AKAP1: variants seen among roughly 807,000 people sequenced by gnomAD.
The protein encoded by AKAP1 is A-kinase anchoring protein 1.
In AKAP1, 32 loss-of-function variants were observed where a neutral mutation model predicts 79.8. The ratio of observed to expected loss-of-function variants is 0.40; its 90% CI spans 0.30 to 0.54. The LOEUF is 0.54. Ranked by LOEUF, AKAP1 falls within the 20% of genes least tolerant of loss-of-function variation. The probability of loss-of-function intolerance (pLI) is 0.47; values close to 1 mark genes in which losing one functional copy is unlikely to be tolerated. For missense variants in AKAP1, 961 were observed against 1,138.9 expected, an observed-to-expected ratio of 0.84 and a Z score of 2.25; for synonymous variants, 416 against 466.7, an observed-to-expected ratio of 0.89 and a Z score of 1.40.
intron 10 of AKAP1, 32 bp from the exon 11 acceptor site, chr17:57,120,218 G>T: frequency 6.2e-7 from 1 of 1,603,310 alleles, no homozygotes; most frequent in South Asian, 1.1e-5. Flanking sequence ...GGATGCCATG[G>T]ACAAAAGCTT....
chr17:57,117,405 G>A (rs1331807434), intron 8 of AKAP1, among the ~76,000 whole-genome samples: 1 of 152,136 alleles, frequency 6.6e-6, no homozygotes. Context: ...CCAGAACATG[G>A]GAATGGTACC....
intron 2 of AKAP1, among the ~76,000 whole-genome samples, chr17:57,108,660 G>A (rs763537810): frequency 3.3e-5 from 5 of 152,186 alleles, no homozygotes; most frequent in Non-Finnish European, 7.3e-5. Context: ...CCAAGCACGA[G>A]GTTAGTGCCT....
At chr17:57,103,771 T>C (rs1298678212) in intron 1 of AKAP1, among the ~76,000 whole-genome samples, 1 of 152,210 alleles carries the variant, frequency 6.6e-6, no homozygotes, top group Non-Finnish European at 1.5e-5. Context: ...AAGCCCATCA[T>C]ATACCTTTAG....
At chr17:57,105,166 T>C (rs1914763209) in intron 1 of AKAP1, among the ~76,000 whole-genome samples, 2 of 151,934 alleles carry the variant, frequency 1.3e-5, no homozygotes, top group Non-Finnish European at 2.9e-5. Context: ...AAGGGAGGGA[T>C]TTGGGTTAAA....
At chr17:57,110,193 A>G in intron 3 of AKAP1, 35 bp downstream of exon 3, 2 of 1,610,126 alleles carry the variant, frequency 1.2e-6, no homozygotes, top group South Asian at 1.1e-5. Context: ...GTTCTGTGGT[A>G]AGCCCAAAGC....
At chr17:57,111,774 C>T in intron 3 of AKAP1, 24 bp from the exon 4 acceptor site, 1 of 1,613,412 alleles carries the variant, frequency 6.2e-7, no homozygotes, top group South Asian at 1.1e-5. Flanking sequence ...TTAACCCTCT[C>T]ATCTCTTTTT....
chr17:57,113,121 A>T (rs1277806779), intron 5 of AKAP1, among the ~76,000 whole-genome samples: 8 of 152,104 alleles, frequency 5.3e-5, no homozygotes, highest in African/African-American at 1.7e-4. Context: ...AATACTCCCC[A>T]CCAGGCCCGG....
intron 1 of AKAP1, chr17:57,092,896 A>G (rs539631363): frequency 6.6e-6 from 1 of 152,576 alleles, no homozygotes; most frequent in African/African-American, 2.4e-5. Context: ...GAGTCAGCCA[A>G]GCCTGTTCCT....
chr17:57,092,495 G>A (rs2144638426), intron 1 of AKAP1: 1 of 152,392 alleles, frequency 6.6e-6, no homozygotes, highest in South Asian at 2.1e-4. Context: ...GAGCCTGAGA[G>A]TAAGGGGGGC....
chr17:57,120,129 ACTGTTACTCTCATACATCTGTTGCCTG>A, intron 10 of AKAP1, 94 bp from the exon 11 acceptor site: 7 of 831,686 alleles, frequency 8.4e-6, no homozygotes, highest in Non-Finnish European at 1.4e-5. Context: ...TCTGGCCTAC[ACTGTTACTCTCATACATCTGTTGCCTG>A]CAGTGGCAAC....
chr17:57,103,973 G>A (rs1308126425), intron 1 of AKAP1, among the ~76,000 whole-genome samples: 2 of 151,968 alleles, frequency 1.3e-5, no homozygotes, highest in Non-Finnish European at 2.9e-5. Flanking sequence ...AGGTTTCTAG[G>A]TTCCTTCTGC....
intron 8 of AKAP1, among the ~76,000 whole-genome samples, chr17:57,117,599 G>A (rs906036795): frequency 4.6e-5 from 7 of 152,166 alleles, no homozygotes; most frequent in Admixed American, 1.3e-4. Flanking sequence ...ATTTGCATGC[G>A]TTAGAAATAC....
chr17:57,112,717 C>A, intron 5 of AKAP1, 99 bp downstream of exon 5: 1 of 1,468,472 alleles, frequency 6.8e-7, no homozygotes, highest in Non-Finnish European at 9.2e-7. Flanking sequence ...AGGCCAAGTG[C>A]ACATGAGTGC....
chr17:57,114,350 C>A, intron 5 of AKAP1, 109 bp from the exon 6 acceptor site: 1 of 1,373,988 alleles, frequency 7.3e-7, no homozygotes, highest in South Asian at 1.3e-5. Flanking sequence ...CTTGAGTTGC[C>A]CTTTTCAAAG....
intron 2 of AKAP1, among the ~76,000 whole-genome samples, chr17:57,109,204 T>A (rs929830444): frequency 7.9e-5 from 12 of 152,224 alleles, no homozygotes; most frequent in African/African-American, 2.9e-4. Context: ...CATCCATATT[T>A]AAGCCAGGGC....
In AKAP1 at chr17:57,107,054, G is replaced by A. The variant is rs762356350; in HGVS notation, c.1590G>A (p.Lys530=). 6.2e-7 allele frequency: 1 copy of A among 1,614,172 alleles called. No homozygotes were observed. The highest frequency in any genetic ancestry group is 1.1e-5 in the South Asian group (1 of 91,084). Residue 530 remains lysine, a synonymous_variant, in exon 2 of 11, where the codon AAG becomes AAA. Transcript: ENST00000337714. ...AGACCAGCTCGAGCCCCAGGGACAA[G>A]GCCATCACCCCGCCACTGCCAGAAA... The part of the protein sequence containing the change: ...CTETSSSPRD[K]AITPPLPEST...
rs1345473446 is a variant in AKAP1 at position 57,116,853 on chromosome 17, T to C, written c.2433-7T>C. 2 of 1,613,912 alleles carry C rather than the reference T, an allele frequency of 1.2e-6. No individual in the cohort carries two copies. Among genetic ancestry groups the C allele is most frequent in the South Asian group, 1.1e-5 (1 of 91,082 alleles). On this transcript the variant is annotated splice_polypyrimidine_tract_variant and splice_region_variant and intron_variant, in intron 7 of 10. Transcript: ENST00000337714. ...ACATTAAACTTGTTCCTTTCTTGCC[T>C]TCCCAGGTCTGACTTTGTCACCCTG...
chr17:57,118,961 C>A (rs572563974), intron 9 of AKAP1, 21 bp from the exon 10 acceptor site: 2 of 1,612,216 alleles, frequency 1.2e-6, no homozygotes, highest in East Asian at 2.2e-5. Context: ...CCATATTATT[C>A]TTTCCACCCC....
intron 1 of AKAP1, among the ~76,000 whole-genome samples, chr17:57,089,619 T>C (rs1179815597): frequency 1.3e-5 from 2 of 152,216 alleles, no homozygotes; most frequent in African/African-American, 4.8e-5. Flanking sequence ...AGTTTTTTTT[T>C]CTCCAACTCT....
Sources: allele counts gnomAD v4.1 joint callset (sites outside exome capture counted in the v4.1 genomes callset), GRCh38; gene constraint gnomAD v4.1.1; transcripts MANE v1.5; gene names NCBI Gene and HGNC (gene_info 2026-07-23, HGNC 2026-07-21).